ZC3H18: variants seen among roughly 807,000 people sequenced by gnomAD.
ZC3H18 encodes zinc finger CCCH-type containing 18.
A neutral mutation model predicts 106.1 loss-of-function variants in ZC3H18; 8 were observed. The ratio of observed to expected loss-of-function variants is 0.08; its 90% CI spans 0.04 to 0.14. The LOEUF (loss-of-function observed/expected upper bound fraction) is 0.14. Among genes scored for constraint, ZC3H18 ranks in the 10% least tolerant of loss-of-function variants. ZC3H18 has a pLI of 1.00. For missense variants in ZC3H18, 1,318 were observed against 1,278.4 expected, an observed-to-expected ratio of 1.03 and a Z score of -0.47; for synonymous variants, 635 against 522.1, an observed-to-expected ratio of 1.22 and a Z score of -2.95.
chr16:88,577,005 G>C, intron 1 of ZC3H18, 105 bp from the exon 2 acceptor site: 1 of 1,244,722 alleles, frequency 8.0e-7, no homozygotes, highest in Non-Finnish European at 1.1e-6. Flanking sequence ...GGGCCGTGTG[G>C]GACCAAGCAG....
chr16:88,623,521 C>A, intron 10 of ZC3H18, 177 bp downstream of exon 10: 1 of 822,406 alleles, frequency 1.2e-6, no homozygotes, highest in Non-Finnish European at 1.8e-6. Context: ...ACCAGCCTTG[C>A]GGGCCCTCGT....
intron 1 of ZC3H18, among the ~76,000 whole-genome samples, chr16:88,575,961 C>T (rs1914722049): frequency 6.6e-6 from 1 of 152,184 alleles, no homozygotes; most frequent in African/African-American, 2.4e-5. Flanking sequence ...AGTGCGGTGG[C>T]GCGATCTCAG....
At position 88,584,117 on chromosome 16, in the gene ZC3H18, TAAG is replaced by T. The variant is rs1915300133; in HGVS notation, c.604-2480_604-2478del. On this transcript the variant is annotated intron_variant, in intron 2 of 17. Transcript: ENST00000301011. ...TATTTTGTTATTTACACATATAAAG[TAAG>T]AATAAAAATTGGGCACGGAGGCTGG... Among the ~76,000 whole-genome samples, 3 of 152,270 alleles carry T rather than the reference TAAG, an allele frequency of 2.0e-5. No homozygotes were observed. In the East Asian group the frequency reaches 5.8e-4, roughly 29 times the overall value.
chr16:88,573,929 A>G (rs912184444), intron 1 of ZC3H18, among the ~76,000 whole-genome samples: 4 of 151,758 alleles, frequency 2.6e-5, no homozygotes, highest in Non-Finnish European at 4.4e-5. Context: ...CTGGAGAGCA[A>G]TGACACAATC....
rs59913116 is a variant in ZC3H18 at position 88,574,322 on chromosome 16, G to C, written c.-14-2788G>C. 8.8e-4 allele frequency among the ~76,000 whole-genome samples: 133 copies of C among 151,914 alleles called. 1 individual carries two copies. The highest frequency in any genetic ancestry group is 2.8e-3 in the African/African-American group (115 of 41,496). ...TCTCCCAGGTTCAAGCGATTCTCTC[G>C]TCTCAGCCTCCCAAGTAGCTTGGAT... On this transcript the variant is annotated intron_variant, in intron 1 of 17. Coordinates refer to ENST00000301011, the MANE Select transcript of ZC3H18 (RefSeq NM_144604.4).
intron 8 of ZC3H18, among the ~76,000 whole-genome samples, chr16:88,619,861 G>T (rs2142791415): frequency 6.6e-6 from 1 of 152,320 alleles, no homozygotes; most frequent in African/African-American, 2.4e-5. Context: ...TTTCCTCTTG[G>T]GGTGTTAGGA....
intron 8 of ZC3H18, among the ~76,000 whole-genome samples, chr16:88,616,909 G>A (rs923260180): frequency 6.6e-6 from 1 of 152,076 alleles, no homozygotes; most frequent in Non-Finnish European, 1.5e-5. Flanking sequence ...CTTTTGTTTG[G>A]TCTGAAGCGC....
At chr16:88,587,500 G>A in intron 3 of ZC3H18, 2 of 1,500,672 alleles carry the variant, frequency 1.3e-6, no homozygotes, top group African/African-American at 1.4e-5. Flanking sequence ...GCCTGTGTGT[G>A]CCATCTAAAG....
intron 8 of ZC3H18, among the ~76,000 whole-genome samples, chr16:88,613,879 C>T (rs1188967638): frequency 6.6e-6 from 1 of 152,144 alleles, no homozygotes; most frequent in African/African-American, 2.4e-5. Context: ...AGTTTTAGCT[C>T]TTACACATAG....
At chr16:88,583,517 T>A (rs1349347581) in intron 2 of ZC3H18, among the ~76,000 whole-genome samples, 2 of 152,238 alleles carry the variant, frequency 1.3e-5, no homozygotes, top group African/African-American at 4.8e-5. Flanking sequence ...CTGTCCACAC[T>A]CACAGTCATG....
chr16:88,599,702 C>G, intron 5 of ZC3H18, 89 bp from the exon 6 acceptor site: 1 of 1,457,972 alleles, frequency 6.9e-7, no homozygotes, highest in Non-Finnish European at 9.2e-7. Flanking sequence ...AGGGCTGCTG[C>G]GGTCGGGTGG....
chr16:88,625,065 A>ACAGGCC, intron 12 of ZC3H18, 137 bp from the exon 13 acceptor site: 2 of 1,035,010 alleles, frequency 1.9e-6, no homozygotes, highest in Non-Finnish European at 2.8e-6. Flanking sequence ...CTAAAGGAAG[A>ACAGGCC]CAGGCCCAGG....
chr16:88,626,154 TACC>T (rs1479655020), intron 13 of ZC3H18: 1 of 152,036 alleles, frequency 6.6e-6, no homozygotes, highest in African/African-American at 2.4e-5. Flanking sequence ...GACTGGGTTT[TACC>T]ACGTTTCTGA....
intron 9 of ZC3H18, 37 bp downstream of exon 9, chr16:88,622,425 C>A (rs1434509853): frequency 1.3e-6 from 2 of 1,548,046 alleles, no homozygotes; most frequent in Non-Finnish European, 8.7e-7. Context: ...GGTGTCAGCA[C>A]CTTGGAGCCG....
intron 6 of ZC3H18, among the ~76,000 whole-genome samples, chr16:88,605,438 G>A (rs1257366516): frequency 1.1e-4 from 16 of 152,232 alleles, no homozygotes; most frequent in Admixed American, 1.0e-3. Flanking sequence ...AGGGCAAGAG[G>A]CAGCAGGGGG....
chr16:88,620,336 C>T (rs1905879484), intron 8 of ZC3H18, among the ~76,000 whole-genome samples: 1 of 152,120 alleles, frequency 6.6e-6, no homozygotes, highest in African/African-American at 2.4e-5. Context: ...AGCTTATAAC[C>T]CCAGCACTCT....
chr16:88,613,167 T>C (rs1905366884), intron 8 of ZC3H18, among the ~76,000 whole-genome samples: 1 of 152,246 alleles, frequency 6.6e-6, no homozygotes, highest in South Asian at 2.1e-4. Context: ...CCTCTTCTAC[T>C]CCGAGCGTTT....
At chr16:88,571,383 A>G (rs1914397140) in intron 1 of ZC3H18, among the ~76,000 whole-genome samples, 1 of 152,208 alleles carries the variant, frequency 6.6e-6, no homozygotes. Flanking sequence ...CAAGGTGCTC[A>G]TCATGTCTCC....
At chr16:88,602,649 A>G (rs1015472418) in intron 6 of ZC3H18, among the ~76,000 whole-genome samples, 2 of 152,246 alleles carry the variant, frequency 1.3e-5, no homozygotes, top group Non-Finnish European at 2.9e-5. Context: ...CTCTGAAGAT[A>G]CCATGTTATT....
Sources: allele counts gnomAD v4.1 joint callset (sites outside exome capture counted in the v4.1 genomes callset), GRCh38; gene constraint gnomAD v4.1.1; transcripts MANE v1.5; gene names NCBI Gene and HGNC (gene_info 2026-07-23, HGNC 2026-07-21).